CDKAL1: variants seen among roughly 807,000 people sequenced by gnomAD.
CDKAL1 encodes threonylcarbamoyladenosine tRNA methylthiotransferase.
In CDKAL1, 32 loss-of-function variants were observed where a neutral mutation model predicts 68.2. That is an observed-to-expected ratio of 0.47 (90% CI 0.35 to 0.63). The LOEUF (loss-of-function observed/expected upper bound fraction) is 0.63. CDKAL1 is among the 30% of genes least tolerant of loss of function. The probability of loss-of-function intolerance (pLI) is 0.00; values close to 1 mark genes in which losing one functional copy is unlikely to be tolerated. For synonymous variants in CDKAL1, 234 were observed against 244.3 expected (o/e 0.96, Z 0.39); for missense variants, 606 against 696.7 (o/e 0.87, Z 1.47).
In CDKAL1 at chr6:20,847,508, C is replaced by CT. The variant is rs541287196; in HGVS notation, c.742+1337dup. On this transcript the variant is annotated intron_variant, in intron 9 of 15. Coordinates refer to ENST00000274695, the MANE Select transcript of CDKAL1 (RefSeq NM_017774.3). Reference sequence around the variant, plus strand: ...CAACTTAGAAGGCATGAAATTAGTACTTTTTTTAACATCATGCATTTCTAA... The same window carrying CT: ...CAACTTAGAAGGCATGAAATTAGTACTTTTTTTTAACATCATGCATTTCTAA... Among the ~76,000 whole-genome samples the CT allele has an allele frequency of 2.3e-3, 347 of 152,258 alleles. 1 individual carries two copies. The highest frequency in any genetic ancestry group is 0.01 in the Middle Eastern group (3 of 294).
intron 9 of CDKAL1, among the ~76,000 whole-genome samples, chr6:20,901,681 GAAAAAAAAAA>G (rs77788195): frequency 1.2e-5 from 1 of 86,354 alleles, no homozygotes; most frequent in Non-Finnish European, 2.1e-5. Flanking sequence ...ACTCCATCTG[GAAAAAAAAAA>G]AAAAAAAAAA....
At chr6:20,780,701 T>C (rs1214711995) in intron 7 of CDKAL1, among the ~76,000 whole-genome samples, 7 of 140,856 alleles carry the variant, frequency 5.0e-5, no homozygotes, top group African/African-American at 2.7e-5. Flanking sequence ...TGAGATGGAG[T>C]CTCACTCTGT....
chr6:21,201,424 A>T, intron 15 of CDKAL1, 150 bp downstream of exon 15: 1 of 601,772 alleles, frequency 1.7e-6, no homozygotes. Flanking sequence ...TGAAATCTGA[A>T]TTAGAAAGAT....
chr6:20,595,138 G>A (rs1230430170), intron 4 of CDKAL1, among the ~76,000 whole-genome samples: 1 of 152,060 alleles, frequency 6.6e-6, no homozygotes, highest in African/African-American at 2.4e-5. Context: ...TGAATCTGAC[G>A]ATTATGTGTC....
chr6:20,767,203 G>T (rs1292138282), intron 7 of CDKAL1, among the ~76,000 whole-genome samples: 1 of 152,082 alleles, frequency 6.6e-6, no homozygotes, highest in Non-Finnish European at 1.5e-5. Flanking sequence ...AGATGAGACT[G>T]TAAAGTTAGA....
At chr6:20,564,707 T>G (rs571310694) in intron 4 of CDKAL1, among the ~76,000 whole-genome samples, 34 of 152,350 alleles carry the variant, frequency 2.2e-4, no homozygotes, top group African/African-American at 7.9e-4. Context: ...CAAAAACCAT[T>G]AAATTTTTTA....
intron 13 of CDKAL1, among the ~76,000 whole-genome samples, chr6:21,131,448 G>A (rs1418783792): frequency 6.6e-6 from 1 of 152,132 alleles, no homozygotes; most frequent in Non-Finnish European, 1.5e-5. Flanking sequence ...GGCCATTTTG[G>A]CGATCATTCC....
In CDKAL1 at chr6:20,735,137, T is replaced by C. The variant is rs186743031; in HGVS notation, c.372-4382T>C. Among the ~76,000 whole-genome samples the C allele has an allele frequency of 8.1e-3, 1,236 of 152,328 alleles. 13 individuals carry two copies. The highest frequency in any genetic ancestry group is 9.5e-3 in the Non-Finnish European group (645 of 68,020). ...CACCCGCCTTGGCCTCCCAAAGTGCTGGGATTTCAGGCGTGAGCCACTGCA... is the reference window on the plus strand; with the variant it reads ...CACCCGCCTTGGCCTCCCAAAGTGCCGGGATTTCAGGCGTGAGCCACTGCA... On this transcript the variant is annotated intron_variant, in intron 5 of 15. Transcript: ENST00000274695.
chr6:20,823,986 G>T (rs2150447412), intron 8 of CDKAL1, among the ~76,000 whole-genome samples: 1 of 152,214 alleles, frequency 6.6e-6, no homozygotes, highest in African/African-American at 2.4e-5. Context: ...GGATGTTCTT[G>T]GGGCAAATGG....
chr6:21,000,512 C>A, intron 11 of CDKAL1, 140 bp downstream of exon 11: 2 of 665,540 alleles, frequency 3.0e-6, no homozygotes, highest in Non-Finnish European at 5.0e-6. Flanking sequence ...GCCTTTAAGT[C>A]TCCTTGGCAC....
intron 5 of CDKAL1, among the ~76,000 whole-genome samples, chr6:20,676,484 G>A (rs966682999): frequency 6.6e-6 from 1 of 151,964 alleles, no homozygotes; most frequent in Non-Finnish European, 1.5e-5. Flanking sequence ...TGGCTAACAT[G>A]GTGAAACCCC....
chr6:20,994,039 G>A (rs534095369), intron 10 of CDKAL1, among the ~76,000 whole-genome samples: 17 of 152,092 alleles, frequency 1.1e-4, no homozygotes, highest in Non-Finnish European at 2.2e-4. Flanking sequence ...CACCAAATCT[G>A]CCCTTCAGCT....
chr6:21,072,760 A>G (rs1363556317), intron 12 of CDKAL1, among the ~76,000 whole-genome samples: 1 of 150,274 alleles, frequency 6.7e-6, no homozygotes, highest in African/African-American at 2.5e-5. Flanking sequence ...TAGAGTTGCT[A>G]TATGTTTCCT....
intron 10 of CDKAL1, among the ~76,000 whole-genome samples, chr6:20,972,655 C>G (rs1292745541): frequency 1.3e-5 from 2 of 152,154 alleles, no homozygotes; most frequent in East Asian, 1.9e-4. Flanking sequence ...GAACGTGGGT[C>G]ATCAGTGAAT....
chr6:20,882,383 A>C (rs1337694384), intron 9 of CDKAL1, among the ~76,000 whole-genome samples: 1 of 152,226 alleles, frequency 6.6e-6, no homozygotes, highest in Non-Finnish European at 1.5e-5. Context: ...CACCCAGGTT[A>C]ACTGTTTCCT....
intron 9 of CDKAL1, among the ~76,000 whole-genome samples, chr6:20,866,267 A>G (rs2150532062): frequency 6.6e-6 from 1 of 152,324 alleles, no homozygotes; most frequent in East Asian, 1.9e-4. Flanking sequence ...GCTGTACAAC[A>G]GGACTGAATA....
At chr6:20,676,022 A>G (rs1770077916) in intron 5 of CDKAL1, among the ~76,000 whole-genome samples, 1 of 152,152 alleles carries the variant, frequency 6.6e-6, no homozygotes, top group African/African-American at 2.4e-5. Flanking sequence ...AAAAATGTTC[A>G]AAAGGTAAAT....
intron 5 of CDKAL1, among the ~76,000 whole-genome samples, chr6:20,650,952 T>C (rs1475103783): frequency 6.6e-6 from 1 of 152,204 alleles, no homozygotes; most frequent in Non-Finnish European, 1.5e-5. Flanking sequence ...TTTTGGTTAC[T>C]GTAGCCTTGT....
intron 4 of CDKAL1, among the ~76,000 whole-genome samples, chr6:20,584,158 T>C (rs929468815): frequency 3.5e-4 from 53 of 152,214 alleles, no homozygotes; most frequent in African/African-American, 1.2e-3. Flanking sequence ...ATATGTTTAG[T>C]TCCTAATCTC....
Sources: allele counts gnomAD v4.1 joint callset (sites outside exome capture counted in the v4.1 genomes callset), GRCh38; gene constraint gnomAD v4.1.1; transcripts MANE v1.5; gene names NCBI Gene and HGNC (gene_info 2026-07-23, HGNC 2026-07-21).